ZBTB16: variants seen among roughly 807,000 people sequenced by gnomAD.
ZBTB16 encodes zinc finger and BTB domain-containing protein 16.
Under a neutral mutation model 56.8 loss-of-function variants are expected in ZBTB16, and 8 were observed. The ratio of observed to expected loss-of-function variants is 0.14; its 90% confidence interval spans 0.08 to 0.25. The LOEUF is 0.25. ZBTB16 is among the 10% of genes least tolerant of loss of function. ZBTB16 has a pLI of 1.00. For missense variants in ZBTB16, 625 were observed against 903.0 expected (o/e 0.69, Z 3.95); for synonymous variants, 363 against 368.5 (o/e 0.98, Z 0.17).
chr11:114,198,842 T>C (rs11214898), intron 4 of ZBTB16, among the ~76,000 whole-genome samples: 34,963 of 152,172 alleles, frequency 0.23, 4,185 homozygotes, highest in Middle Eastern at 0.33. Flanking sequence ...GGACACGCAT[T>C]CACCATTTTT....
intron 4 of ZBTB16, among the ~76,000 whole-genome samples, chr11:114,200,643 G>A (rs1334204478): frequency 6.6e-6 from 1 of 152,100 alleles, no homozygotes; most frequent in Non-Finnish European, 1.5e-5. Flanking sequence ...CGTCCTCACT[G>A]GTCTGAGTTG....
intron 4 of ZBTB16, chr11:114,237,078 G>A (rs1944608365): frequency 6.6e-6 from 1 of 152,298 alleles, no homozygotes; most frequent in Non-Finnish European, 1.5e-5. Flanking sequence ...ACTGCACAAG[G>A]GTGCCCAGCT....
At chr11:114,082,756 G>C (rs963397800) in intron 2 of ZBTB16, among the ~76,000 whole-genome samples, 3 of 112,432 alleles carry the variant, frequency 2.7e-5, no homozygotes, top group African/African-American at 1.0e-4. Context: ...AGCTGGGAGA[G>C]GGGCCTGGGG....
rs535131030 is a variant in ZBTB16, at chr11:114,223,721, T to C, written c.1454-18446T>C. 1.7e-4 allele frequency among the ~76,000 whole-genome samples: 26 copies of C among 152,150 alleles called. No homozygotes were observed. In the South Asian group the frequency reaches 5.2e-3, roughly 30 times the overall value. On this transcript the variant is annotated intron_variant, in intron 4 of 6. Coordinates refer to ENST00000335953, the MANE Select transcript of ZBTB16 (RefSeq NM_006006.6). ...AAGCAAGTCATATACAGGATAAATA[T>C]TGTTATATTGGAGGTATAAGGATGT...
intron 4 of ZBTB16, among the ~76,000 whole-genome samples, chr11:114,233,428 C>T (rs1018242444): frequency 2.0e-5 from 3 of 152,012 alleles, no homozygotes; most frequent in Non-Finnish European, 4.4e-5. Context: ...CTTGATTTGG[C>T]TTCTTGCAAC....
intron 2 of ZBTB16, among the ~76,000 whole-genome samples, chr11:114,079,586 A>G (rs1257232869): frequency 6.6e-6 from 1 of 152,220 alleles, no homozygotes; most frequent in Non-Finnish European, 1.5e-5. Context: ...ATGTTTGGGA[A>G]TTCTTTCTGA....
In ZBTB16 at chr11:114,093,152, G is replaced by A. The variant is rs1940252877; in HGVS notation, c.1268+28584G>A. Among the ~76,000 whole-genome samples, 5 of 152,272 alleles carry A rather than the reference G, an allele frequency of 3.3e-5. No homozygotes were observed. The South Asian group carries it at 1.0e-3, about 32-fold the overall frequency. On this transcript the variant is annotated intron_variant, in intron 2 of 6. Transcript: ENST00000335953. Reference sequence around the variant, plus strand: ...TCTACATGGGGTGTTAAGGCCCCACGTGTTTTTGCCTGTGCCCTTTAATTG... The same window carrying A: ...TCTACATGGGGTGTTAAGGCCCCACATGTTTTTGCCTGTGCCCTTTAATTG...
intron 5 of ZBTB16, among the ~76,000 whole-genome samples, chr11:114,245,178 TG>T (rs1293951917): frequency 2.0e-5 from 3 of 152,172 alleles, no homozygotes; most frequent in Non-Finnish European, 4.4e-5. Context: ...TTGATGGGGC[TG>T]GGGGCCAGGC....
chr11:114,242,186 C>G lies in ZBTB16; in HGVS notation c.1473C>G (p.Phe491Leu). ...CCACAGGCACTGACATGGCCGTCTT[C>G]TGTCTGCTGTGTGGGAAGCGCTTCC... ...QTHTGTDMAV[F>L]CLLCGKRFQA... Residue 491 changes from phenylalanine (F) to leucine (L), a missense_variant, in exon 5 of 7, where the codon TTC (phenylalanine) becomes TTG (leucine). This residue lies in a region of ZBTB16 where 140 missense variants were observed against 214.8 expected (regional missense o/e 0.65). Transcript: ENST00000335953. The G allele has an allele frequency of 1.9e-6, 3 of 1,613,782 alleles. No individual in the cohort carries two copies. The highest frequency in any genetic ancestry group is 1.7e-6 in the Non-Finnish European group (2 of 1,179,904).
At chr11:114,236,815 T>A (rs1408760593) in intron 4 of ZBTB16, among the ~76,000 whole-genome samples, 1 of 152,210 alleles carries the variant, frequency 6.6e-6, no homozygotes, top group Non-Finnish European at 1.5e-5. Flanking sequence ...ATGAATACAA[T>A]AGTTCCTACT....
intron 2 of ZBTB16, among the ~76,000 whole-genome samples, chr11:114,133,062 CTT>C (rs1941708135): frequency 6.6e-6 from 1 of 152,156 alleles, no homozygotes; most frequent in African/African-American, 2.4e-5. Context: ...GTGTCTGACT[CTT>C]TTTATAGTGC....
intron 2 of ZBTB16, among the ~76,000 whole-genome samples, chr11:114,075,818 T>C (rs1430213829): frequency 6.6e-6 from 1 of 152,140 alleles, no homozygotes; most frequent in African/African-American, 2.4e-5. Context: ...TTTTGCTCTT[T>C]AACAGATCAA....
intron 4 of ZBTB16, among the ~76,000 whole-genome samples, chr11:114,241,577 G>A (rs1944704288): frequency 6.6e-6 from 1 of 152,190 alleles, no homozygotes; most frequent in Non-Finnish European, 1.5e-5. Context: ...ACCATACGTG[G>A]AAAAATTGCC....
chr11:114,107,153 G>A (rs1023987000), intron 2 of ZBTB16, among the ~76,000 whole-genome samples: 2 of 152,092 alleles, frequency 1.3e-5, no homozygotes, highest in Admixed American at 6.5e-5. Flanking sequence ...GTGAGATAAG[G>A]GAATGGAATC....
rs1193859948 is a variant in ZBTB16 at position 114,064,718 on chromosome 11, G to A, written c.1268+150G>A. 12 of 1,104,182 alleles carry A rather than the reference G, an allele frequency of 1.1e-5. No homozygotes were observed. The East Asian group carries it at 2.1e-4, about 19-fold the overall frequency. The allele number at this position is 1,104,182 out of a possible 1,614,324, so 68.4% of individuals were successfully genotyped here. A position where few individuals can be genotyped will look rare whatever the true frequency, so the allele number is the denominator to read the frequency against. On this transcript the variant is annotated intron_variant, in intron 2 of 6. Coordinates refer to ENST00000335953, the MANE Select transcript of ZBTB16 (RefSeq NM_006006.6). This position sits in a 1 kb window ranked among gnomAD's most constrained non-coding sequence, Gnocchi z 4.2. The stretch of plus-strand genomic sequence containing the variant: ...GAACACTTCTTCTAAAGTTCTGGCG[G>A]GGAGGGGAGCAGGTTTTTTAAAGTG...
chr11:114,246,259 C>G (rs1229290187), intron 5 of ZBTB16, among the ~76,000 whole-genome samples: 1 of 152,136 alleles, frequency 6.6e-6, no homozygotes, highest in Non-Finnish European at 1.5e-5. Flanking sequence ...GGTGGGCAAG[C>G]CAGTAGATAC....
chr11:114,124,545 AAAAAAAAAAACC>A (rs1941437449), intron 2 of ZBTB16, among the ~76,000 whole-genome samples: 1 of 123,938 alleles, frequency 8.1e-6, no homozygotes, highest in Admixed American at 7.8e-5. Context: ...AAAACAAAAC[AAAAAAAAAAACC>A]AAAAAAAAAA....
intron 4 of ZBTB16, chr11:114,209,529 C>T: frequency 2.0e-6 from 2 of 985,372 alleles, no homozygotes; most frequent in Non-Finnish European, 2.4e-6. Context: ...TCCCTCCTGG[C>T]CTCTGACCCT....
At chr11:114,154,296 C>G (rs897522040) in intron 2 of ZBTB16, among the ~76,000 whole-genome samples, 5 of 152,176 alleles carry the variant, frequency 3.3e-5, no homozygotes, top group Non-Finnish European at 5.9e-5. Context: ...GTGGGCACTC[C>G]AGGAGCTAAC....
Sources: allele counts gnomAD v4.1 joint callset (sites outside exome capture counted in the v4.1 genomes callset), GRCh38; gene constraint gnomAD v4.1.1; regional missense constraint gnomAD v4.1.1; non-coding constraint Gnocchi (gnomAD v3.1); transcripts MANE v1.5; gene names NCBI Gene and HGNC (gene_info 2026-07-23, HGNC 2026-07-21).